The following MAPKAPK5 variants were observed in gnomAD, a reference collection of about 807,000 sequenced individuals.
The protein encoded by MAPKAPK5 is MAPK activated protein kinase 5, also known as MAP kinase-activated protein kinase 5.
A neutral mutation model predicts 65.1 loss-of-function variants in MAPKAPK5; 30 were observed. That is an observed-to-expected ratio of 0.46 (90% CI 0.34 to 0.63). The LOEUF (loss-of-function observed/expected upper bound fraction) is 0.63. Among genes scored for constraint, MAPKAPK5 ranks in the 20% least tolerant of loss-of-function variants. MAPKAPK5 has a pLI of 0.01. For synonymous variants in MAPKAPK5, 179 were observed against 204.6 expected, an observed-to-expected ratio of 0.87 and a Z score of 1.07; for missense variants, 433 against 581.4, an observed-to-expected ratio of 0.74 and a Z score of 2.63.
chr12:111,900,228 A>G lies in MAPKAPK5; in HGVS notation c.*7167A>G, dbSNP rs756121624. The G allele has an allele frequency of 3.5e-5, 16 of 455,816 alleles. No individual in the cohort carries two copies. Among genetic ancestry groups the G allele is most frequent in the Admixed American group, 7.1e-5 (3 of 42,548 alleles). The allele number at this position is 455,816 out of a possible 1,614,324, so 28.2% of individuals were successfully genotyped here. A position where few individuals can be genotyped will look rare whatever the true frequency, so the allele number is the denominator to read the frequency against. On this transcript the variant is annotated 3_prime_UTR_variant, in exon 14 of 14. Transcript: ENST00000550735. ...TCGTGCAAAACACGATGTTGCCCAC[A>G]TGATCGTTGGGCATCACCCTGGACA...
intron 1 of MAPKAPK5, among the ~76,000 whole-genome samples, chr12:111,855,094 T>C (rs1309743046): frequency 6.6e-6 from 1 of 152,212 alleles, no homozygotes; most frequent in African/African-American, 2.4e-5. Context: ...TTTAATACTT[T>C]GATTTCTGTA....
chr12:111,898,555 CCAT>C lies in MAPKAPK5; in HGVS notation c.*5495_*5497del, dbSNP rs1407255649. ...TATACTCCCATGGTGAAACTTGAGC[CCAT>C]TTTACTTAACACAATATATCCGTGC... On this transcript the variant is annotated 3_prime_UTR_variant, in exon 14 of 14. Coordinates refer to ENST00000550735, the MANE Select transcript of MAPKAPK5 (RefSeq NM_003668.4). The C allele has an allele frequency of 6.6e-6, 1 of 152,022 alleles. No individual in the cohort carries two copies. The highest frequency in any genetic ancestry group is 1.5e-5 in the Non-Finnish European group (1 of 68,028). 9.4% of individuals were successfully genotyped at this position (152,022 alleles called of 1,614,324 possible). A position where few individuals can be genotyped will look rare whatever the true frequency, so the allele number is the denominator to read the frequency against.
rs968926974 is a variant in MAPKAPK5 at position 111,901,444 on chromosome 12, G to A, written c.*8383G>A. 3.3e-5 allele frequency: 15 copies of A among 455,862 alleles called. No individual in the cohort carries two copies. Among genetic ancestry groups the A allele is most frequent in the South Asian group, 4.6e-5 (3 of 64,558 alleles). The allele number at this position is 455,862 out of a possible 1,614,324, so 28.2% of individuals were successfully genotyped here. On this transcript the variant is annotated 3_prime_UTR_variant, in exon 14 of 14. Coordinates refer to ENST00000550735, the MANE Select transcript of MAPKAPK5 (RefSeq NM_003668.4). Reference sequence around the variant, plus strand: ...AATCACAATATGACTCATTCCAGACGTGAAGAACATGCTGTAGACATGATG... The same window carrying A: ...AATCACAATATGACTCATTCCAGACATGAAGAACATGCTGTAGACATGATG...
At chr12:111,851,065 A>AT (rs1366063923) in intron 1 of MAPKAPK5, among the ~76,000 whole-genome samples, 1 of 151,828 alleles carries the variant, frequency 6.6e-6, no homozygotes, top group Admixed American at 6.6e-5. Flanking sequence ...CGCCCAGCTA[A>AT]TTTTTGTATT....
At chr12:111,879,303 A>G (rs1320770880) in intron 7 of MAPKAPK5, 1 of 150,052 alleles carries the variant, frequency 6.7e-6, no homozygotes, top group Non-Finnish European at 1.5e-5. Flanking sequence ...GGTTTAATTA[A>G]CTCACTTTGT....
In MAPKAPK5 at chr12:111,893,593, C is replaced by T. The variant is rs2070699537; in HGVS notation, c.*532C>T. On this transcript the variant is annotated 3_prime_UTR_variant, in exon 14 of 14. Coordinates refer to ENST00000550735, the MANE Select transcript of MAPKAPK5 (RefSeq NM_003668.4). ...TGATGGAAGAAGAGGGAGGTGAGCC[C>T]TCATTTCTCCTGCCCCCTAATTCCC... is the stretch of plus-strand genomic sequence containing the variant. The T allele has an allele frequency of 6.6e-6, 1 of 152,326 alleles. No homozygotes were observed. Among genetic ancestry groups the T allele is most frequent in the Admixed American group, 6.5e-5 (1 of 15,288 alleles). The allele number at this position is 152,326 out of a possible 1,614,324, so 9.4% of individuals were successfully genotyped here.
chr12:111,884,574 G>C (rs556934923), intron 9 of MAPKAPK5, among the ~76,000 whole-genome samples: 7 of 152,346 alleles, frequency 4.6e-5, no homozygotes, highest in African/African-American at 1.7e-4. Flanking sequence ...GGATGAGGGA[G>C]AGTTGATATT....
chr12:111,890,199 A>G (rs2070555605), intron 13 of MAPKAPK5, 55 bp downstream of exon 13: 1 of 1,293,214 alleles, frequency 7.7e-7, no homozygotes, highest in East Asian at 2.5e-5. Context: ...GATTATGTTT[A>G]GAACATATAG....
chr12:111,874,474 T>G (rs893808041), intron 7 of MAPKAPK5, among the ~76,000 whole-genome samples: 4 of 149,682 alleles, frequency 2.7e-5, no homozygotes, highest in African/African-American at 9.8e-5. Flanking sequence ...TTTTGGGTTT[T>G]TTTTTTTTTT....
intron 3 of MAPKAPK5, among the ~76,000 whole-genome samples, chr12:111,867,035 T>G (rs1428292440): frequency 6.6e-6 from 1 of 152,204 alleles, no homozygotes; most frequent in African/African-American, 2.4e-5. Flanking sequence ...GCTCAAGTGA[T>G]CCTTCTACCT....
chr12:111,847,467 C>G (rs1187447263), intron 1 of MAPKAPK5, among the ~76,000 whole-genome samples: 1 of 152,094 alleles, frequency 6.6e-6, no homozygotes, highest in Non-Finnish European at 1.5e-5. Context: ...TTGCTACACC[C>G]AAGGCACTTA....
intron 1 of MAPKAPK5, among the ~76,000 whole-genome samples, chr12:111,852,620 C>T (rs937957187): frequency 6.6e-5 from 10 of 152,116 alleles, no homozygotes; most frequent in African/African-American, 2.4e-4. Context: ...CCCAGGGTGT[C>T]AGTGCCCTTA....
chr12:111,895,081 T>C lies in MAPKAPK5; in HGVS notation c.*2020T>C, dbSNP rs1194924881. The C allele has an allele frequency of 6.7e-6, 1 of 149,476 alleles. No homozygotes were observed. The highest frequency in any genetic ancestry group is 1.5e-5 in the Non-Finnish European group (1 of 67,838). The allele number at this position is 149,476 out of a possible 1,614,324, so 9.3% of individuals were successfully genotyped here. Reference sequence around the variant, plus strand: ...ACAAGTGTCTTAAGAATTACCTTATTACATTGCTTCCTTTTTTTTTTTTTT... The same window carrying C: ...ACAAGTGTCTTAAGAATTACCTTATCACATTGCTTCCTTTTTTTTTTTTTT... On this transcript the variant is annotated 3_prime_UTR_variant, in exon 14 of 14. Coordinates refer to ENST00000550735, the MANE Select transcript of MAPKAPK5 (RefSeq NM_003668.4).
rs915762039 is a variant in MAPKAPK5 at position 111,894,511 on chromosome 12, A to T, written c.*1450A>T. ...TTTACATATAATTAATTGAAGTGGGACTATTGGATTATCATGTAAGATGAT... is the reference window on the plus strand; with the variant it reads ...TTTACATATAATTAATTGAAGTGGGTCTATTGGATTATCATGTAAGATGAT... On this transcript the variant is annotated 3_prime_UTR_variant, in exon 14 of 14. Transcript: ENST00000550735. The T allele has an allele frequency of 1.3e-5, 2 of 150,950 alleles. No homozygotes were observed. Among genetic ancestry groups the T allele is most frequent in the Non-Finnish European group, 2.9e-5 (2 of 67,890 alleles). The allele number at this position is 150,950 out of a possible 1,614,324, so 9.4% of individuals were successfully genotyped here.
chr12:111,858,166 A>G (rs2069307157), intron 1 of MAPKAPK5, among the ~76,000 whole-genome samples: 2 of 151,888 alleles, frequency 1.3e-5, no homozygotes, highest in South Asian at 2.1e-4. Context: ...CAGCCTCCCA[A>G]AGTGCTGGGA....
chr12:111,865,865 C>T (rs894012995), intron 2 of MAPKAPK5, among the ~76,000 whole-genome samples: 4 of 145,318 alleles, frequency 2.8e-5, no homozygotes, highest in Non-Finnish European at 6.0e-5. Flanking sequence ...AAAAGGGTGT[C>T]GAGACTGTGG....
At chr12:111,870,247 C>T (rs1309762066) in intron 5 of MAPKAPK5, 24 bp from the exon 6 acceptor site, 2 of 1,553,482 alleles carry the variant, frequency 1.3e-6, no homozygotes, top group Non-Finnish European at 1.8e-6. Flanking sequence ...TAAGAAGCGA[C>T]TGTTTCATTG....
chr12:111,847,512 G>A (rs2068943495), intron 1 of MAPKAPK5, among the ~76,000 whole-genome samples: 1 of 152,082 alleles, frequency 6.6e-6, no homozygotes, highest in Admixed American at 6.6e-5. Flanking sequence ...TGGGATTAGG[G>A]ATTCTTACAT....
At position 111,893,043 on chromosome 12, in the gene MAPKAPK5, G is replaced by C. The variant is rs367871047; in HGVS notation, c.1398G>C (p.Thr466=). ...IVKQVIEEQT[T]SHESQ is the part of the protein sequence containing the mutation. Reference sequence around the variant, plus strand: ...AGCAGGTGATAGAAGAGCAAACCACGTCCCACGAATCCCAATAATGACAGC... The same window carrying C: ...AGCAGGTGATAGAAGAGCAAACCACCTCCCACGAATCCCAATAATGACAGC... The change falls in exon 14 of 14, where the codon ACG becomes ACC. Residue 466 remains threonine, a synonymous_variant. Transcript: ENST00000550735. 5.7e-6 allele frequency: 9 copies of C among 1,576,512 alleles called. No individual in the cohort carries two copies. Among genetic ancestry groups the C allele is most frequent in the Middle Eastern group, 3.3e-4 (2 of 6,022 alleles).
Sources: allele counts gnomAD v4.1 joint callset (sites outside exome capture counted in the v4.1 genomes callset), GRCh38; gene constraint gnomAD v4.1.1; transcripts MANE v1.5; gene names NCBI Gene and HGNC (gene_info 2026-07-23, HGNC 2026-07-21).